Variants in DNAH12 observed in about 807,000 individuals in gnomAD.
DNAH12 encodes the protein dynein axonemal heavy chain 12.
In DNAH12, 285 loss-of-function variants were observed where a neutral mutation model predicts 371.5. The ratio of observed to expected loss-of-function variants is 0.77; its 90% confidence interval spans 0.70 to 0.85. The LOEUF is 0.85. Among genes scored for constraint, DNAH12 ranks in the 40% least tolerant of loss-of-function variants. The probability of loss-of-function intolerance (pLI) is 0.00; values close to 1 mark genes in which losing one functional copy is unlikely to be tolerated. For missense variants in DNAH12, 3,611 were observed against 3,689.4 expected, an observed-to-expected ratio of 0.98 and a Z score of 0.55; for synonymous variants, 1,200 against 1,213.0, an observed-to-expected ratio of 0.99 and a Z score of 0.22.
At chr3:57,442,580 A>T (rs1271333996) in intron 29 of DNAH12, among the ~76,000 whole-genome samples, 1 of 152,218 alleles carries the variant, frequency 6.6e-6, no homozygotes, top group Admixed American at 6.5e-5. Flanking sequence ...AATCCAAAAG[A>T]AGTCAGTAAA....
Position 57,510,642 on chromosome 3 carries a change from A to G in DNAH12, c.469+148T>C, listed in dbSNP as rs140385958. 83 of 762,420 alleles carry G rather than the reference A, an allele frequency of 1.1e-4. No individual in the cohort carries two copies. The East Asian group carries it at 2.2e-3, about 20-fold the overall frequency. The allele number at this position is 762,420 out of a possible 1,614,324, so 47.2% of individuals were successfully genotyped here. On this transcript the variant is annotated intron_variant, in intron 5 of 73. Transcript: ENST00000495027. ...GCGACAGAGATCATGTCTCGAAGAA[A>G]AAAAATAAAAAGAAAAGAAGAAAAA...
At position 57,338,169 on chromosome 3, in the gene DNAH12, T is replaced by C. The variant is rs141717718; in HGVS notation, c.9675-3229A>G. 3.6e-3 allele frequency among the ~76,000 whole-genome samples: 551 copies of C among 152,262 alleles called. 4 individuals are homozygous for C. Among genetic ancestry groups the C allele is most frequent in the African/African-American group, 0.013 (526 of 41,556 alleles). On this transcript the variant is annotated intron_variant, in intron 60 of 73. Transcript: ENST00000495027. ...CTGGGATTGCAGGCACGCGACGCCA[T>C]GCCTGACTGGTTTTTGTATTTTTGG...
At chr3:57,462,656 C>A in intron 18 of DNAH12, 34 bp downstream of exon 18, 1 of 1,530,948 alleles carries the variant, frequency 6.5e-7, no homozygotes, top group South Asian at 1.2e-5. Flanking sequence ...ACGAAGTCAT[C>A]ACATAAAGTA....
At chr3:57,315,939 C>G (rs945559965) in intron 65 of DNAH12, among the ~76,000 whole-genome samples, 6 of 152,000 alleles carry the variant, frequency 3.9e-5, no homozygotes, top group Admixed American at 3.9e-4. Flanking sequence ...GTGCTGTAGC[C>G]TATGAAGAGT....
At chr3:57,442,132 G>A (rs1454802354) in intron 29 of DNAH12, among the ~76,000 whole-genome samples, 2 of 152,056 alleles carry the variant, frequency 1.3e-5, no homozygotes, top group African/African-American at 4.8e-5. Context: ...GACATTTTCA[G>A]ACAGACAAAA....
intron 13 of DNAH12, among the ~76,000 whole-genome samples, chr3:57,473,947 C>T (rs773987843): frequency 2.3e-4 from 35 of 152,166 alleles, no homozygotes; most frequent in South Asian, 1.4e-3. Context: ...TTTCAAAAAA[C>T]GTAGTAGCAC....
chr3:57,394,563 T>C (rs1028586989), intron 43 of DNAH12, among the ~76,000 whole-genome samples: 82,226 of 151,884 alleles, frequency 0.54, 22,470 homozygotes, highest in East Asian at 0.61. Flanking sequence ...ATTCAGAGGA[T>C]GGCATATGAT....
chr3:57,462,895 C>T lies in DNAH12; in HGVS notation c.2350-20G>A, dbSNP rs917756702. The T allele has an allele frequency of 1.1e-5, 17 of 1,525,266 alleles. No homozygotes were observed. Among genetic ancestry groups the T allele is most frequent in the Non-Finnish European group, 1.4e-5 (16 of 1,126,266 alleles). 94.5% of individuals were successfully genotyped at this position (1,525,266 alleles called of 1,614,324 possible). On this transcript the variant is annotated intron_variant, in intron 17 of 73. Coordinates refer to ENST00000495027, the MANE Select transcript of DNAH12 (RefSeq NM_001366028.2). ...ATATTCCTAATGGCAAAAATATAAA[C>T]AATTATGAGTCACTCATTTGACTTC...
chr3:57,500,304 G>T (rs1324996081), intron 11 of DNAH12, among the ~76,000 whole-genome samples: 3 of 152,150 alleles, frequency 2.0e-5, no homozygotes, highest in African/African-American at 7.2e-5. Flanking sequence ...GCCTCCTAAA[G>T]TGCTGAGATT....
At chr3:57,467,319 A>T (rs2066233172) in intron 17 of DNAH12, among the ~76,000 whole-genome samples, 1 of 151,484 alleles carries the variant, frequency 6.6e-6, no homozygotes, top group East Asian at 2.0e-4. Context: ...GATTCACTAT[A>T]TTGGCCAGGC....
chr3:57,438,918 C>CAAAAAAAAAAAAAAAAAAAAAAAAAAA (rs57608649), intron 29 of DNAH12, among the ~76,000 whole-genome samples: 1 of 94,496 alleles, frequency 1.1e-5, no homozygotes. Context: ...CTGTCTCAGA[C>CAAAAAAAAAAAAAAAAAAAAAAAAAAA]AAAAAAAAAA....
chr3:57,417,715 G>T (rs2064423632), intron 37 of DNAH12, among the ~76,000 whole-genome samples: 1 of 152,102 alleles, frequency 6.6e-6, no homozygotes, highest in Admixed American at 6.6e-5. Context: ...TATCACTCAT[G>T]CCCATTCCTT....
intron 25 of DNAH12, among the ~76,000 whole-genome samples, chr3:57,448,031 C>T (rs576035305): frequency 5.7e-4 from 87 of 152,276 alleles, no homozygotes; most frequent in Non-Finnish European, 1.1e-3. Flanking sequence ...AACTTGATTG[C>T]TGAAAACCTC....
chr3:57,435,437 T>C (rs575839572), intron 30 of DNAH12, among the ~76,000 whole-genome samples: 2 of 148,618 alleles, frequency 1.3e-5, no homozygotes, highest in East Asian at 2.0e-4. Context: ...AAATGATTCA[T>C]GAAAAACAGA....
At chr3:57,425,297 G>C (rs577247133) in intron 34 of DNAH12, among the ~76,000 whole-genome samples, 156 bp from the exon 35 acceptor site, 1 of 152,134 alleles carries the variant, frequency 6.6e-6, no homozygotes, top group African/African-American at 2.4e-5. Flanking sequence ...ATCCAGGCTG[G>C]AGCCCAGTTG....
chr3:57,391,458 C>G (rs1169740693), intron 45 of DNAH12, among the ~76,000 whole-genome samples: 2 of 152,182 alleles, frequency 1.3e-5, no homozygotes, highest in Admixed American at 1.3e-4. Flanking sequence ...CTGCCAACTG[C>G]AGATCTTGGG....
chr3:57,411,526 CAA>C (rs57344840), intron 39 of DNAH12, among the ~76,000 whole-genome samples: 290 of 39,052 alleles, frequency 7.4e-3, no homozygotes, highest in African/African-American at 0.02. Context: ...GACACTGTCT[CAA>C]AAAAAAAAAA....
chr3:57,495,213 T>C (rs1251181847), intron 11 of DNAH12, among the ~76,000 whole-genome samples: 1 of 152,154 alleles, frequency 6.6e-6, no homozygotes, highest in South Asian at 2.1e-4. Flanking sequence ...ATAAAGTTGT[T>C]TTGTAAAATA....
chr3:57,488,545 T>C (rs1191252098), intron 12 of DNAH12, among the ~76,000 whole-genome samples: 1 of 152,024 alleles, frequency 6.6e-6, no homozygotes, highest in African/African-American at 2.4e-5. Flanking sequence ...CTCAGGAAAA[T>C]TAAGTAGGTT....
Sources: gnomAD v4.1 joint callset for allele counts (sites outside exome capture counted in the v4.1 genomes callset) on GRCh38, gnomAD v4.1.1 for gene constraint, MANE v1.5 for transcripts, NCBI Gene and HGNC (gene_info 2026-07-23, HGNC 2026-07-21) for gene names.